Variants in ZMYM2 observed in about 807,000 individuals in gnomAD.
The protein encoded by ZMYM2 is zinc finger MYM-type containing 2.
A neutral mutation model predicts 162.8 loss-of-function variants in ZMYM2; 56 were observed. The observed-to-expected ratio is 0.34, with a 90% CI of 0.28 to 0.43. The LOEUF is 0.43. Ranked by LOEUF, ZMYM2 falls within the 20% of genes least tolerant of loss-of-function variation. The pLI is 1.00. For missense variants in ZMYM2, 1,275 were observed against 1,621.8 expected (o/e 0.79, Z 3.67); for synonymous variants, 510 against 541.6 (o/e 0.94, Z 0.81).
chr13:19,968,712 T>C (rs1956030514), intron 2 of ZMYM2, among the ~76,000 whole-genome samples: 1 of 152,250 alleles, frequency 6.6e-6, no homozygotes, highest in South Asian at 2.1e-4. Context: ...TGTAGCCAGA[T>C]TAATTTTTCC....
intron 2 of ZMYM2, among the ~76,000 whole-genome samples, chr13:19,989,338 C>T (rs1330068000): frequency 6.6e-6 from 1 of 152,122 alleles, no homozygotes; most frequent in Non-Finnish European, 1.5e-5. Context: ...GAGTCTCACC[C>T]CATCACCCAG....
intron 2 of ZMYM2, among the ~76,000 whole-genome samples, chr13:19,990,829 C>T (rs1461709345): frequency 6.6e-6 from 1 of 152,132 alleles, no homozygotes; most frequent in Non-Finnish European, 1.5e-5. Flanking sequence ...TGTATATAAG[C>T]CACTTCAACT....
chr13:19,930,726 G>C, the ZMYM2 span, among the ~76,000 whole-genome samples: 1 of 151,446 alleles, frequency 6.6e-6, no homozygotes, highest in Non-Finnish European at 1.5e-5. Flanking sequence ...TTTTAGTAGA[G>C]ATGGGGTTTT....
chr13:20,085,306 C>T (rs1352626849), intron 24 of ZMYM2, among the ~76,000 whole-genome samples: 1 of 152,148 alleles, frequency 6.6e-6, no homozygotes, highest in African/African-American at 2.4e-5. Flanking sequence ...TCCTATTTGG[C>T]TGCAGTAGTG....
At chr13:20,052,800 C>T (rs1955485027) in intron 14 of ZMYM2, among the ~76,000 whole-genome samples, 2 of 152,148 alleles carry the variant, frequency 1.3e-5, no homozygotes, top group East Asian at 1.9e-4. Flanking sequence ...GAACTACTTA[C>T]TAGAGCCAAG....
At chr13:19,883,693 T>C in the ZMYM2 span, among the ~76,000 whole-genome samples, 2 of 152,226 alleles carry the variant, frequency 1.3e-5, no homozygotes, top group East Asian at 1.9e-4. Flanking sequence ...TTAGGCCCTA[T>C]GAATTAAACA....
the ZMYM2 span, among the ~76,000 whole-genome samples, chr13:19,903,455 T>C: frequency 8.8e-6 from 1 of 113,550 alleles, no homozygotes; most frequent in Non-Finnish European, 1.7e-5. Flanking sequence ...CTGGCCAACA[T>C]GGTGAAACCC....
At chr13:20,026,470 T>G in intron 7 of ZMYM2, 142 bp from the exon 8 acceptor site, 1 of 700,066 alleles carries the variant, frequency 1.4e-6, no homozygotes. Context: ...AGTTTGTATG[T>G]AGATGAAGAC....
the ZMYM2 span, among the ~76,000 whole-genome samples, chr13:19,939,092 C>T: frequency 4.1e-5 from 6 of 145,850 alleles, no homozygotes; most frequent in African/African-American, 1.3e-4. Context: ...GGCGTGATCT[C>T]GGCTCACTGC....
the ZMYM2 span, among the ~76,000 whole-genome samples, chr13:19,926,563 C>T: frequency 1.6e-4 from 24 of 151,960 alleles, no homozygotes; most frequent in African/African-American, 5.8e-4. Context: ...GAGGTTTCTC[C>T]ATGTCGGCCA....
At chr13:19,934,767 CTTTCTTTTTT>C in the ZMYM2 span, among the ~76,000 whole-genome samples, 2 of 147,352 alleles carry the variant, frequency 1.4e-5, no homozygotes, top group East Asian at 4.0e-4. Flanking sequence ...TTCTTTCTTT[CTTTCTTTTTT>C]TTTTTTTGAG....
the ZMYM2 span, chr13:19,865,037 A>G: frequency 6.6e-6 from 1 of 152,240 alleles, no homozygotes; most frequent in Non-Finnish European, 1.5e-5. Flanking sequence ...AGATAATGTG[A>G]TTTTTAAAAA....
chr13:20,059,325 G>T (rs1956056533), intron 15 of ZMYM2, 122 bp from the exon 16 acceptor site: 5 of 904,448 alleles, frequency 5.5e-6, no homozygotes, highest in African/African-American at 3.8e-5. Flanking sequence ...AAAAAAACTG[G>T]GAATTAAAAA....
the ZMYM2 span, among the ~76,000 whole-genome samples, chr13:19,949,573 CAG>C: frequency 6.6e-6 from 1 of 151,848 alleles, no homozygotes; most frequent in Non-Finnish European, 1.5e-5. Context: ...GCCTAGGCAA[CAG>C]AGTAAGACCC....
At chr13:19,909,224 T>C in the ZMYM2 span, among the ~76,000 whole-genome samples, 1 of 152,306 alleles carries the variant, frequency 6.6e-6, no homozygotes, top group African/African-American at 2.4e-5. Flanking sequence ...CATGAAAATA[T>C]ATGCATTAGG....
In ZMYM2 at chr13:19,963,114, C is replaced by T. The variant is rs145105887; in HGVS notation, c.-11+3088C>T. Among the ~76,000 whole-genome samples, 469 of 152,308 alleles carry T rather than the reference C, an allele frequency of 3.1e-3. 5 individuals are homozygous for T. Among genetic ancestry groups the T allele is most frequent in the African/African-American group, 0.011 (447 of 41,558 alleles). The stretch of plus-strand genomic sequence containing the variant: ...TCAACCTTCCAGAGTGCTGAGATTA[C>T]AGGCGTGAGCCACCGTGCCGGCCTG... On this transcript the variant is annotated intron_variant, in intron 2 of 24. Transcript: ENST00000610343.
chr13:20,006,521 G>A lies in ZMYM2; in HGVS notation c.1447G>A (p.Val483Ile), dbSNP rs376390813. The part of the protein sequence containing the change: ...YLPSKGAGNN[V>I]LVIDGQQKRF... ...GCCCAGTAAAGGTGCTGGAAATAAT[G>A]TTCTGGTGATTGATGGTCAACAGAA... The change falls in exon 6 of 25, where the codon GTT (valine) becomes ATT (isoleucine). Residue 483 changes from valine (V) to isoleucine (I), a missense_variant. This residue lies in a region of ZMYM2 where 276 missense variants were observed against 311.8 expected (regional missense o/e 0.89). Coordinates refer to ENST00000610343, the MANE Select transcript of ZMYM2 (RefSeq NM_197968.4). 3 of 1,613,738 alleles carry A rather than the reference G, an allele frequency of 1.9e-6. No homozygotes were observed. Among genetic ancestry groups the A allele is most frequent in the African/African-American group, 2.7e-5 (2 of 74,920 alleles).
intron 9 of ZMYM2, among the ~76,000 whole-genome samples, chr13:20,030,645 G>A (rs554109509): frequency 1.7e-4 from 26 of 152,222 alleles, no homozygotes; most frequent in Admixed American, 8.5e-4. Flanking sequence ...TGATCCGCCC[G>A]CCTTGGCCTC....
At chr13:19,938,723 CTT>C in the ZMYM2 span, among the ~76,000 whole-genome samples, 1 of 144,646 alleles carries the variant, frequency 6.9e-6, no homozygotes, top group Admixed American at 7.0e-5. Context: ...CAAAATAGAC[CTT>C]TTTTTTTTTT....
Sources: allele counts gnomAD v4.1 joint callset (sites outside exome capture counted in the v4.1 genomes callset), GRCh38; gene constraint gnomAD v4.1.1; regional missense constraint gnomAD v4.1.1; transcripts MANE v1.5; gene names NCBI Gene and HGNC (gene_info 2026-07-23, HGNC 2026-07-21).